PPM1H: variants seen among roughly 807,000 people sequenced by gnomAD.
PPM1H encodes the protein protein phosphatase 1H.
Under a neutral mutation model 54.9 loss-of-function variants are expected in PPM1H, and 27 were observed. The observed-to-expected ratio is 0.49, with a 90% CI of 0.36 to 0.68. The LOEUF is 0.68. Among genes scored for constraint, PPM1H ranks in the 30% least tolerant of loss-of-function variants. PPM1H has a pLI of 0.00. For missense variants in PPM1H, 596 were observed against 667.8 expected, an observed-to-expected ratio of 0.89 and a Z score of 1.19; for synonymous variants, 305 against 270.8, an observed-to-expected ratio of 1.13 and a Z score of -1.24.
At chr12:62,859,901 T>G (rs549638682) in intron 1 of PPM1H, among the ~76,000 whole-genome samples, 1 of 152,100 alleles carries the variant, frequency 6.6e-6, no homozygotes, top group Non-Finnish European at 1.5e-5. Flanking sequence ...AGCACAGAAT[T>G]AAAAAGGAAT....
chr12:62,750,016 G>C (rs2076433050), intron 4 of PPM1H, among the ~76,000 whole-genome samples: 2 of 151,064 alleles, frequency 1.3e-5, no homozygotes, highest in Admixed American at 6.6e-5. Flanking sequence ...TTCCAGATCA[G>C]CTAAATGCCT....
chr12:62,916,629 T>C (rs921066753), intron 1 of PPM1H, among the ~76,000 whole-genome samples: 2 of 152,214 alleles, frequency 1.3e-5, no homozygotes, highest in African/African-American at 2.4e-5. Flanking sequence ...GAGTATTTTT[T>C]TTTTTGGTGA....
intron 5 of PPM1H, among the ~76,000 whole-genome samples, chr12:62,735,621 C>T (rs1258614148): frequency 6.6e-6 from 1 of 152,164 alleles, no homozygotes; most frequent in Non-Finnish European, 1.5e-5. Flanking sequence ...AGGTAAGTGG[C>T]CTGCCCTCCA....
chr12:62,770,404 A>T (rs904976303), intron 4 of PPM1H, among the ~76,000 whole-genome samples: 1 of 152,176 alleles, frequency 6.6e-6, no homozygotes, highest in Non-Finnish European at 1.5e-5. Context: ...CAGGACCTGA[A>T]TCCAGCTTTT....
In PPM1H at chr12:62,855,953, C is replaced by A. The variant is rs577963117; in HGVS notation, c.246-23674G>T. Among the ~76,000 whole-genome samples, 5 of 152,282 alleles carry A rather than the reference C, an allele frequency of 3.3e-5. No individual in the cohort carries two copies. The East Asian group carries it at 9.6e-4, about 29-fold the overall frequency. The stretch of plus-strand genomic sequence containing the variant: ...GTGGGATGAGACTGTGTTAAGTGTA[C>A]AGCTAATTATCCACTACTATTTAAG... On this transcript the variant is annotated intron_variant, in intron 1 of 9. Transcript: ENST00000228705.
At chr12:62,933,167 T>C (rs1256672873) in intron 1 of PPM1H, among the ~76,000 whole-genome samples, 1 of 152,196 alleles carries the variant, frequency 6.6e-6, no homozygotes, top group Non-Finnish European at 1.5e-5. Context: ...TCAAAGCGCA[T>C]TTCTGCCTCC....
At chr12:62,712,986 C>T (rs2076215401) in intron 6 of PPM1H, among the ~76,000 whole-genome samples, 1 of 152,178 alleles carries the variant, frequency 6.6e-6, no homozygotes, top group Non-Finnish European at 1.5e-5. Flanking sequence ...ATCTGCTCAT[C>T]CACTTCCTTG....
rs1872280628 is a variant in PPM1H, at chr12:62,934,894, G to T, written c.-158C>A. ...GGCTCCCAGAGCCTAGTGCTGCAGG[G>T]GGCCGAGCCCCGGCCTCTCGTGCTT... is the stretch of plus-strand genomic sequence containing the variant. On this transcript the variant is annotated 5_prime_UTR_variant, in exon 1 of 10. Transcript: ENST00000228705. The surrounding 1 kb of genome is among the most constrained non-coding windows in gnomAD (Gnocchi z 4.2). The T allele has an allele frequency of 1.6e-6, 1 of 607,650 alleles. No homozygotes were observed. Among genetic ancestry groups the T allele is most frequent in the African/African-American group, 2.0e-5 (1 of 51,068 alleles). 37.6% of individuals were successfully genotyped at this position (607,650 alleles called of 1,614,324 possible). A position where few individuals can be genotyped will look rare whatever the true frequency, so the allele number is the denominator to read the frequency against.
intron 6 of PPM1H, among the ~76,000 whole-genome samples, chr12:62,707,778 C>G (rs1243765086): frequency 2.6e-5 from 4 of 152,106 alleles, no homozygotes; most frequent in African/African-American, 4.8e-5. Flanking sequence ...CTGTTTTTTT[C>G]TGCTTTGTAT....
intron 1 of PPM1H, among the ~76,000 whole-genome samples, chr12:62,894,795 G>A (rs934739359): frequency 2.0e-5 from 3 of 152,156 alleles, no homozygotes; most frequent in Non-Finnish European, 4.4e-5. Flanking sequence ...ATGTTGGGAG[G>A]CCAAAGAGGA....
intron 1 of PPM1H, among the ~76,000 whole-genome samples, chr12:62,880,212 A>G (rs1002805404): frequency 6.6e-6 from 1 of 152,224 alleles, no homozygotes; most frequent in African/African-American, 2.4e-5. Context: ...ATTTAGTAGA[A>G]AACAGACATC....
chr12:62,849,084 G>A (rs1253791357), intron 1 of PPM1H, among the ~76,000 whole-genome samples: 1 of 152,166 alleles, frequency 6.6e-6, no homozygotes, highest in East Asian at 1.9e-4. Context: ...TGGTAACAGA[G>A]GGTGGGAGAG....
rs1366335440 is a variant in PPM1H, at chr12:62,693,970, A to C, written c.1103T>G (p.Leu368Trp). 6.2e-7 allele frequency: 1 copy of C among 1,613,092 alleles called. No individual in the cohort carries two copies. The highest frequency in any genetic ancestry group is 1.7e-5 in the Admixed American group (1 of 59,890). ...TTCTCCATATATAAGGGGGAACTTC[A>C]AGTCCTCATCCTCAATGGTTTTGTA... ...WAYKTIEDED[L>W]KFPLIYGEGK... is the part of the protein sequence containing the mutation. The change falls in exon 7 of 10, where the codon TTG (leucine) becomes TGG (tryptophan). Residue 368 changes from leucine (L) to tryptophan (W), a missense_variant. Physicochemically the swap from Leu to Trp is moderately conservative, Grantham distance 61 (BLOSUM62 -2). Around this residue, in one of 3 missense-constraint regions of PPM1H, gnomAD observed 208 missense variants for 259.5 expected, o/e 0.80. Transcript: ENST00000228705.
At chr12:62,831,057 G>T (rs867636198) in intron 2 of PPM1H, among the ~76,000 whole-genome samples, 1 of 151,914 alleles carries the variant, frequency 6.6e-6, no homozygotes, top group African/African-American at 2.4e-5. Context: ...GTTTCACCAT[G>T]TTAGCCAGGA....
chr12:62,933,849 G>A (rs1872230494), intron 1 of PPM1H: 1 of 152,090 alleles, frequency 6.6e-6, no homozygotes, highest in Admixed American at 6.5e-5. Context: ...TTAGACAGTT[G>A]GAATAAGTTT....
chr12:62,728,230 G>A (rs1004868951), intron 5 of PPM1H, among the ~76,000 whole-genome samples: 1 of 152,134 alleles, frequency 6.6e-6, no homozygotes, highest in Non-Finnish European at 1.5e-5. Context: ...GCACAGATTT[G>A]TTAAAGAGAA....
At chr12:62,654,069 C>T (rs1023780985) in intron 9 of PPM1H, among the ~76,000 whole-genome samples, 1 of 151,854 alleles carries the variant, frequency 6.6e-6, no homozygotes, top group African/African-American at 2.4e-5. Context: ...GTGGTGAATC[C>T]TGTCTCTACA....
intron 4 of PPM1H, among the ~76,000 whole-genome samples, chr12:62,774,952 C>G (rs755418366): frequency 1.1e-4 from 17 of 152,212 alleles, no homozygotes; most frequent in Non-Finnish European, 2.4e-4. Context: ...GTGAGCTTCA[C>G]TTCCCTTATC....
intron 1 of PPM1H, among the ~76,000 whole-genome samples, chr12:62,867,564 ATTTTTTTTTTTTTTTTTT>A (rs34772338): frequency 3.6e-5 from 2 of 55,338 alleles, no homozygotes; most frequent in African/African-American, 6.4e-5. Flanking sequence ...TATGAGCACT[ATTTTTTTTTTTTTTTTTT>A]TTTTTTTTTT....
Sources: allele counts gnomAD v4.1 joint callset (sites outside exome capture counted in the v4.1 genomes callset), GRCh38; gene constraint gnomAD v4.1.1; regional missense constraint gnomAD v4.1.1; non-coding constraint Gnocchi (gnomAD v3.1); transcripts MANE v1.5; gene names NCBI Gene and HGNC (gene_info 2026-07-23, HGNC 2026-07-21).